OVCH1: variants seen among roughly 807,000 people sequenced by gnomAD.
OVCH1 encodes the protein ovochymase-1.
In OVCH1, 139 loss-of-function variants were observed where a neutral mutation model predicts 138.4. The observed-to-expected ratio is 1.00, with a 90% confidence interval of 0.87 to 1.16. OVCH1 has a LOEUF of 1.16. Ranked by LOEUF, OVCH1 falls within the 50% of genes most tolerant of loss-of-function variation. The pLI, the probability that OVCH1 is intolerant of heterozygous loss-of-function variation, is 0.00. For missense variants in OVCH1, 1,367 were observed against 1,357.9 expected (o/e 1.01, Z -0.11); for synonymous variants, 453 against 467.8 (o/e 0.97, Z 0.41).
chr12:29,420,400 C>G (rs1223209950), intron 3 of OVCH1, among the ~76,000 whole-genome samples: 2 of 149,644 alleles, frequency 1.3e-5, no homozygotes, highest in East Asian at 4.1e-4. Flanking sequence ...GTTAAGACAT[C>G]ATTATCTCCA....
At chr12:29,480,224 T>C (rs899520308) in intron 8 of OVCH1, among the ~76,000 whole-genome samples, 9 of 152,146 alleles carry the variant, frequency 5.9e-5, no homozygotes, top group Admixed American at 5.9e-4. Context: ...AGCACTTCAA[T>C]GGAAAAAAGC....
At chr12:29,444,712 A>G (rs1347769198) in intron 23 of OVCH1, among the ~76,000 whole-genome samples, 3 of 152,044 alleles carry the variant, frequency 2.0e-5, no homozygotes, top group Non-Finnish European at 2.9e-5. Context: ...CCAAGGGGGG[A>G]AACTAGCTTT....
intron 25 of OVCH1, among the ~76,000 whole-genome samples, chr12:29,440,108 C>G (rs1047595476): frequency 6.6e-6 from 1 of 152,188 alleles, no homozygotes; most frequent in Non-Finnish European, 1.5e-5. Context: ...TCCCTCTCCC[C>G]TACCCAGAGG....
chr12:29,473,268 C>T (rs7138552), intron 14 of OVCH1, among the ~76,000 whole-genome samples, 165 bp from the exon 15 acceptor site: 24,076 of 152,036 alleles, frequency 0.16, 2,024 homozygotes, highest in African/African-American at 0.22. Context: ...CTTGTATATC[C>T]GTTAATATCC....
intron 16 of OVCH1, among the ~76,000 whole-genome samples, chr12:29,465,835 T>C (rs1477580523): frequency 6.6e-6 from 1 of 151,906 alleles, no homozygotes; most frequent in African/African-American, 2.4e-5. Flanking sequence ...TAAAAAAGAC[T>C]TGGAACCAAC....
intron 21 of OVCH1, among the ~76,000 whole-genome samples, chr12:29,454,235 T>C (rs762941492): frequency 6.6e-6 from 1 of 152,186 alleles, no homozygotes; most frequent in Non-Finnish European, 1.5e-5. Flanking sequence ...ACCTTCTATA[T>C]CTTACATTTT....
chr12:29,414,875 A>C (rs1941012033), intron 3 of OVCH1, among the ~76,000 whole-genome samples: 1 of 152,196 alleles, frequency 6.6e-6, no homozygotes, highest in Non-Finnish European at 1.5e-5. Flanking sequence ...AAAGTCTTTA[A>C]TATTATGAAG....
At chr12:29,492,959 A>G (rs2136091994) in intron 4 of OVCH1, among the ~76,000 whole-genome samples, 1 of 152,308 alleles carries the variant, frequency 6.6e-6, no homozygotes, top group Admixed American at 6.5e-5. Context: ...TCTTACCCAG[A>G]AAGATGGGAA....
intron 7 of OVCH1, chr12:29,487,073 G>A: frequency 2.9e-6 from 1 of 346,240 alleles, no homozygotes; most frequent in Non-Finnish European, 5.8e-6. Flanking sequence ...ACTGCCATGA[G>A]AAAGCGATGG....
At chr12:29,445,471 G>T in intron 22 of OVCH1, 68 bp from the exon 23 acceptor site, 1 of 1,437,892 alleles carries the variant, frequency 7.0e-7, no homozygotes, top group Non-Finnish European at 9.5e-7. Context: ...TGTATTTTAG[G>T]CCGAGCAATT....
intron 8 of OVCH1, among the ~76,000 whole-genome samples, 131 bp from the exon 9 acceptor site, chr12:29,484,931 T>A (rs547409780): frequency 6.6e-6 from 1 of 152,310 alleles, no homozygotes; most frequent in Admixed American, 6.5e-5. Flanking sequence ...AATGCAAATA[T>A]TTTTAGAAGC....
chr12:29,485,014 C>A (rs1283390943), intron 8 of OVCH1, among the ~76,000 whole-genome samples: 1 of 152,152 alleles, frequency 6.6e-6, no homozygotes, highest in Non-Finnish European at 1.5e-5. Context: ...GAATCAAAAT[C>A]AAAACTTTTA....
chr12:29,415,247 GAAAGAAGGGCTGA>G (rs1411298628), intron 3 of OVCH1, among the ~76,000 whole-genome samples: 1 of 152,096 alleles, frequency 6.6e-6, no homozygotes. Flanking sequence ...AGAAAGTAAG[GAAAGAAGGGCTGA>G]AAAGAAGGGG....
At chr12:29,445,561 A>G (rs776455282) in intron 22 of OVCH1, among the ~76,000 whole-genome samples, 158 bp from the exon 23 acceptor site, 12 of 152,124 alleles carry the variant, frequency 7.9e-5, no homozygotes, top group Non-Finnish European at 1.5e-4. Flanking sequence ...GACTCACTCA[A>G]TGCCACAAAC....
At chr12:29,480,209 T>G (rs760179715) in intron 8 of OVCH1, among the ~76,000 whole-genome samples, 7 of 152,174 alleles carry the variant, frequency 4.6e-5, no homozygotes, top group Non-Finnish European at 8.8e-5. Context: ...AAAGTTCACT[T>G]GCTAAGCACT....
intron 3 of OVCH1, among the ~76,000 whole-genome samples, chr12:29,414,430 G>A (rs1273125717): frequency 1.3e-5 from 2 of 152,112 alleles, no homozygotes; most frequent in African/African-American, 2.4e-5. Flanking sequence ...TCCCACTGAT[G>A]AACATTTAGA....
chr12:29,459,475 A>T (rs2135965259), intron 19 of OVCH1, among the ~76,000 whole-genome samples: 1 of 152,300 alleles, frequency 6.6e-6, no homozygotes, highest in Admixed American at 6.5e-5. Context: ...AAGGATGATT[A>T]CCAGAGGCTG....
At chr12:29,481,995 G>A (rs1272964109) in intron 8 of OVCH1, among the ~76,000 whole-genome samples, 1 of 152,140 alleles carries the variant, frequency 6.6e-6, no homozygotes, top group Non-Finnish European at 1.5e-5. Context: ...CTGGACTATT[G>A]CAGTAGTTGG....
At chr12:29,475,021 C>T in intron 14 of OVCH1, 40 bp downstream of exon 14, 1 of 1,552,352 alleles carries the variant, frequency 6.4e-7, no homozygotes, top group Non-Finnish European at 8.7e-7. Flanking sequence ...TAACCATTTG[C>T]ATAAACAAAA....
Sources: allele counts gnomAD v4.1 joint callset (sites outside exome capture counted in the v4.1 genomes callset), GRCh38; gene constraint gnomAD v4.1.1; transcripts MANE v1.5; gene names NCBI Gene and HGNC (gene_info 2026-07-23, HGNC 2026-07-21).